VRTN: variants seen among roughly 807,000 people sequenced by gnomAD.
VRTN encodes the protein vertnin.
A neutral mutation model predicts 18.2 loss-of-function variants in VRTN; 5 were observed. The observed-to-expected ratio is 0.27, with a 90% CI of 0.14 to 0.58. The LOEUF (loss-of-function observed/expected upper bound fraction) is 0.58. VRTN is among the 20% of genes least tolerant of loss of function. The pLI, the probability that VRTN is intolerant of heterozygous loss-of-function variation, is 0.91. For missense variants in VRTN, 741 were observed against 939.4 expected (o/e 0.79, Z 2.76); for synonymous variants, 381 against 393.7 (o/e 0.97, Z 0.38).
chr14:74,311,195 A>C (rs2085386364), intron 1 of VRTN, among the ~76,000 whole-genome samples: 1 of 152,116 alleles, frequency 6.6e-6, no homozygotes, highest in Non-Finnish European at 1.5e-5. Flanking sequence ...TGAAAAATTG[A>C]AAAGCATGTG....
chr14:74,316,776 A>G (rs1158150781), intron 1 of VRTN, among the ~76,000 whole-genome samples: 1 of 151,084 alleles, frequency 6.6e-6, no homozygotes, highest in African/African-American at 2.4e-5. Flanking sequence ...AGCTGGGACT[A>G]CAGGCGCCCG....
chr14:74,335,964 C>G (rs942030936), intron 1 of VRTN, among the ~76,000 whole-genome samples: 3 of 151,676 alleles, frequency 2.0e-5, no homozygotes, highest in African/African-American at 7.3e-5. Flanking sequence ...TGGTCTCAAA[C>G]TTCTGACCTC....
chr14:74,355,200 A>C (rs2085717433), intron 1 of VRTN, among the ~76,000 whole-genome samples: 2 of 152,134 alleles, frequency 1.3e-5, no homozygotes, highest in South Asian at 2.1e-4. Context: ...TGAGATTTTC[A>C]GATGGAAGCT....
rs574124492 is a variant in VRTN, at chr14:74,336,805, C to T, written c.-163-918C>T. Among the ~76,000 whole-genome samples the T allele has an allele frequency of 1.4e-4, 21 of 152,114 alleles. No homozygotes were observed. The South Asian group carries it at 1.7e-3, about 12-fold the overall frequency. On this transcript the variant is annotated intron_variant, in intron 1 of 2. Coordinates refer to the VRTN transcript ENST00000557177. The stretch of plus-strand genomic sequence containing the variant: ...AAAGTTTCCTCTTGGTAATTTTTTT[C>T]GCTATTTTCCTCTAGGTGACTTTAG...
Position 74,358,198 on chromosome 14 carries a change from T to C in VRTN, c.1415T>C (p.Val472Ala). 1 of 1,613,568 alleles carries C rather than the reference T, an allele frequency of 6.2e-7. No homozygotes were observed. The highest frequency in any genetic ancestry group is 8.5e-7 in the Non-Finnish European group (1 of 1,179,816). Residue 472 changes from valine (V) to alanine (A), a missense_variant, in exon 2 of 2, where the codon GTA becomes GCA. Coordinates refer to ENST00000256362, the MANE Select transcript of VRTN (RefSeq NM_018228.3). This position sits in a 1 kb window ranked among gnomAD's most constrained non-coding sequence, Gnocchi z 5.4. ...CTAGCATCTGTTGGGGAAGGGGCTG[T>C]AATTCCTTGGAAGAGTGAGGCGGAA... The part of the protein sequence containing the change: ...PQLASVGEGA[V>A]IPWKSEAEEG...
intron 1 of VRTN, among the ~76,000 whole-genome samples, chr14:74,330,782 G>T (rs2085516851): frequency 6.6e-6 from 1 of 152,076 alleles, no homozygotes. Context: ...CGTTCTAGAA[G>T]TTGACCACTT....
Position 74,318,197 on chromosome 14 carries a change from A to G in VRTN, c.-164+15021A>G, listed in dbSNP as rs185408901. Among the ~76,000 whole-genome samples, 442 of 152,186 alleles carry G rather than the reference A, an allele frequency of 2.9e-3. 4 individuals carry two copies. The highest frequency in any genetic ancestry group is 0.01 in the African/African-American group (417 of 41,542). On this transcript the variant is annotated intron_variant, in intron 1 of 2. Transcript: ENST00000557177. The stretch of plus-strand genomic sequence containing the variant: ...CGGCTCACTGCCATCTCCACCTCCC[A>G]GGTTCAAGGGATTCTCCTGCCTCAG...
At position 74,357,566 on chromosome 14, in the gene VRTN, G is replaced by A. The variant is rs1295059984; in HGVS notation, c.783G>A (p.Leu261=). 2.5e-6 allele frequency: 4 copies of A among 1,613,950 alleles called. No individual in the cohort carries two copies. Among genetic ancestry groups the A allele is most frequent in the Admixed American group, 1.7e-5 (1 of 60,020 alleles). ...APGVAPALPA[L]APLSSPAKTL... ...GCGTGGCCCCAGCTCTTCCAGCCCT[G>A]GCCCCACTCTCATCGCCGGCCAAGA... is the stretch of plus-strand genomic sequence containing the variant. The change falls in exon 2 of 2, where the codon CTG becomes CTA. Residue 261 remains leucine (L), a synonymous_variant. Coordinates refer to ENST00000256362, the MANE Select transcript of VRTN (RefSeq NM_018228.3). This position sits in a 1 kb window ranked among gnomAD's most constrained non-coding sequence, Gnocchi z 7.8.
At chr14:74,341,589 G>A (rs949107782) in intron 2 of VRTN, among the ~76,000 whole-genome samples, 1 of 152,176 alleles carries the variant, frequency 6.6e-6, no homozygotes, top group Non-Finnish European at 1.5e-5. Flanking sequence ...CACCTTCTTG[G>A]CTCACTGCAA....
intron 1 of VRTN, among the ~76,000 whole-genome samples, chr14:74,330,587 A>G (rs950118917): frequency 3.7e-4 from 56 of 151,770 alleles, no homozygotes; most frequent in African/African-American, 1.2e-3. Flanking sequence ...GATTACAGGC[A>G]TGTGCCACCA....
chr14:74,334,361 T>C (rs769500861), intron 1 of VRTN, among the ~76,000 whole-genome samples: 1 of 152,162 alleles, frequency 6.6e-6, no homozygotes, highest in Non-Finnish European at 1.5e-5. Context: ...AAACCCCATC[T>C]CTAATAAAAA....
chr14:74,329,722 G>A (rs1166371000), intron 1 of VRTN, among the ~76,000 whole-genome samples: 2 of 151,844 alleles, frequency 1.3e-5, no homozygotes, highest in African/African-American at 2.4e-5. Flanking sequence ...GGGACTACAG[G>A]TATGTGCCAC....
intron 1 of VRTN, among the ~76,000 whole-genome samples, chr14:74,314,472 C>T (rs2085407499): frequency 6.8e-6 from 1 of 146,732 alleles, no homozygotes. Flanking sequence ...TCTCGGCTCA[C>T]TGCAACCTTC....
intron 1 of VRTN, among the ~76,000 whole-genome samples, chr14:74,307,137 C>CTTTTTTTTTTTTTTTTTTTTT (rs56345315): frequency 3.4e-5 from 3 of 87,744 alleles, no homozygotes; most frequent in African/African-American, 4.8e-5. Flanking sequence ...TGTTGTGGCC[C>CTTTTTTTTTTTTTTTTTTTTT]TTTTTTTTTT....
chr14:74,308,520 CT>C (rs907528361), intron 1 of VRTN, among the ~76,000 whole-genome samples: 45 of 146,776 alleles, frequency 3.1e-4, no homozygotes, highest in Admixed American at 6.1e-4. Context: ...TTCAAGGCTT[CT>C]TTTTTTTTTT....
At chr14:74,337,594 C>T (rs373214671) in intron 1 of VRTN, 1 of 152,140 alleles carries the variant, frequency 6.6e-6, no homozygotes, top group Admixed American at 6.6e-5. Context: ...ATGCAACAAA[C>T]TCGGAGGGGA....
rs1244375371 is a variant in VRTN, at chr14:74,331,542, TTTTATA to T, written c.-163-6179_-163-6174del. On this transcript the variant is annotated intron_variant, in intron 1 of 2. Coordinates refer to the VRTN transcript ENST00000557177. ...AAAACTCCATCTCAAAAAAAAAAAA[TTTTATA>T]TATATATATATATATATATATATAT... Among the ~76,000 whole-genome samples, 279 of 64,910 alleles carry T rather than the reference TTTTATA, an allele frequency of 4.3e-3. 5 individuals carry two copies. The highest frequency in any genetic ancestry group is 7.5e-3 in the Middle Eastern group (1 of 134). The allele number at this position is 64,910 out of a possible 152,430, so 42.6% of individuals were successfully genotyped here.
At chr14:74,328,990 G>T (rs1199065566) in intron 1 of VRTN, among the ~76,000 whole-genome samples, 1 of 152,092 alleles carries the variant, frequency 6.6e-6, no homozygotes, top group Non-Finnish European at 1.5e-5. Context: ...AAAAATTGGG[G>T]CTGGGCACGG....
chr14:74,333,913 T>C lies in VRTN; in HGVS notation c.-163-3810T>C, dbSNP rs78539964. On this transcript the variant is annotated intron_variant, in intron 1 of 2. Transcript: ENST00000557177. ...ACAACATTTGAGTGTTCACTATATG[T>C]TCACTGCATTGTTCTAGTTGCTTTA... Among the ~76,000 whole-genome samples the C allele has an allele frequency of 6.3e-3, 966 of 152,278 alleles. 4 individuals carry two copies. The highest frequency in any genetic ancestry group is 0.011 in the Non-Finnish European group (749 of 68,028).
Sources: allele counts gnomAD v4.1 joint callset (sites outside exome capture counted in the v4.1 genomes callset), GRCh38; gene constraint gnomAD v4.1.1; non-coding constraint Gnocchi (gnomAD v3.1); transcripts MANE v1.5; gene names NCBI Gene and HGNC (gene_info 2026-07-23, HGNC 2026-07-21).